The following LRMDA variants were observed in gnomAD, a reference collection of about 807,000 sequenced individuals.
The protein encoded by LRMDA is leucine rich melanocyte differentiation associated.
Under a neutral mutation model 29.8 loss-of-function variants are expected in LRMDA, and 18 were observed. That is an observed-to-expected ratio of 0.60 (90% CI 0.42 to 0.90). The LOEUF (loss-of-function observed/expected upper bound fraction) is 0.90, where lower values mean the gene tolerates loss of function less well. Among genes scored for constraint, LRMDA ranks in the 40% least tolerant of loss-of-function variants. The pLI is 0.00. For synonymous variants in LRMDA, 125 were observed against 109.4 expected, an observed-to-expected ratio of 1.14 and a Z score of -0.89; for missense variants, 273 against 273.9, an observed-to-expected ratio of 1.00 and a Z score of 0.02.
At chr10:76,167,417 A>C (rs1359132056) in intron 5 of LRMDA, among the ~76,000 whole-genome samples, 10 of 151,580 alleles carry the variant, frequency 6.6e-5, no homozygotes, top group Admixed American at 5.9e-4. Context: ...GCCTATCTTG[A>C]GTTAATTTTT....
chr10:75,671,440 A>G (rs1474414112), intron 2 of LRMDA, among the ~76,000 whole-genome samples: 1 of 152,118 alleles, frequency 6.6e-6, no homozygotes, highest in Non-Finnish European at 1.5e-5. Context: ...TCTTTAAGAA[A>G]CACACCTATG....
chr10:75,955,100 C>G (rs1006077126), intron 2 of LRMDA, among the ~76,000 whole-genome samples: 1 of 152,084 alleles, frequency 6.6e-6, no homozygotes, highest in Non-Finnish European at 1.5e-5. Context: ...ACATTAGATT[C>G]ATATAATTTT....
At chr10:76,393,173 C>A (rs899780309) in intron 6 of LRMDA, among the ~76,000 whole-genome samples, 1 of 152,056 alleles carries the variant, frequency 6.6e-6, no homozygotes, top group African/African-American at 2.4e-5. Flanking sequence ...ATACTGATTT[C>A]ATTTCTTTTG....
intron 6 of LRMDA, among the ~76,000 whole-genome samples, chr10:76,387,682 A>G (rs561509520): frequency 3.6e-4 from 55 of 152,074 alleles, no homozygotes; most frequent in African/African-American, 1.1e-3. Context: ...CTTAAATTTA[A>G]ATTTTTTAAG....
intron 2 of LRMDA, among the ~76,000 whole-genome samples, chr10:75,608,287 A>G: frequency 6.6e-6 from 1 of 151,964 alleles, no homozygotes; most frequent in East Asian, 1.9e-4. Flanking sequence ...ATAGTCAACC[A>G]CATAGAAGCA....
At chr10:76,302,657 G>A (rs1016486273) in intron 5 of LRMDA, among the ~76,000 whole-genome samples, 5 of 152,018 alleles carry the variant, frequency 3.3e-5, no homozygotes, top group Non-Finnish European at 5.9e-5. Flanking sequence ...TCTTATTATG[G>A]CAACCTAAGG....
At chr10:75,506,936 C>T (rs1845174689) in intron 2 of LRMDA, among the ~76,000 whole-genome samples, 1 of 152,160 alleles carries the variant, frequency 6.6e-6, no homozygotes, top group South Asian at 2.1e-4. Context: ...TGGATGCTGG[C>T]TGCCTTTCCC....
chr10:75,707,185 C>T (rs1045730160), intron 2 of LRMDA, among the ~76,000 whole-genome samples: 28 of 152,146 alleles, frequency 1.8e-4, no homozygotes, highest in Non-Finnish European at 8.8e-5. Context: ...ACCGCTTTGG[C>T]CCTATCAGAT....
chr10:76,182,035 G>T (rs1343545344), intron 5 of LRMDA, among the ~76,000 whole-genome samples: 1 of 152,158 alleles, frequency 6.6e-6, no homozygotes, highest in East Asian at 1.9e-4. Context: ...AAAAGATCTA[G>T]CAATACCTAC....
chr10:75,504,578 A>AG (rs1372396254), intron 2 of LRMDA, among the ~76,000 whole-genome samples: 1 of 152,160 alleles, frequency 6.6e-6, no homozygotes, highest in East Asian at 1.9e-4. Flanking sequence ...CTGTAGTAAT[A>AG]GGGGGGAGTC....
intron 6 of LRMDA, among the ~76,000 whole-genome samples, chr10:76,439,196 A>G (rs1004993045): frequency 4.6e-5 from 7 of 152,172 alleles, no homozygotes; most frequent in African/African-American, 1.4e-4. Flanking sequence ...CTGTGACACA[A>G]AAGCACAGAG....
intron 2 of LRMDA, among the ~76,000 whole-genome samples, chr10:75,529,260 G>T (rs188702977): frequency 1.3e-5 from 2 of 152,270 alleles, no homozygotes; most frequent in East Asian, 3.9e-4. Context: ...ATTCAGAAGG[G>T]CCTCAGACTT....
intron 2 of LRMDA, among the ~76,000 whole-genome samples, chr10:75,722,227 A>G (rs1160235017): frequency 6.6e-6 from 1 of 152,102 alleles, no homozygotes; most frequent in Non-Finnish European, 1.5e-5. Flanking sequence ...CGTTATTGCT[A>G]CAAGACCATA....
intron 2 of LRMDA, among the ~76,000 whole-genome samples, chr10:75,474,942 G>A (rs988664884): frequency 6.6e-6 from 1 of 152,192 alleles, no homozygotes; most frequent in Non-Finnish European, 1.5e-5. Context: ...TGCAGGGCCG[G>A]TGTTGCTGTA....
chr10:75,856,934 C>T (rs1844837964), intron 2 of LRMDA, among the ~76,000 whole-genome samples: 1 of 152,174 alleles, frequency 6.6e-6, no homozygotes, highest in Non-Finnish European at 1.5e-5. Flanking sequence ...TAGAAAACCC[C>T]ATTGTCTCAG....
chr10:76,145,010 T>A (rs573151104), intron 5 of LRMDA, among the ~76,000 whole-genome samples: 9 of 152,250 alleles, frequency 5.9e-5, no homozygotes, highest in Non-Finnish European at 8.8e-5. Flanking sequence ...GATTTGCATA[T>A]GTTGAACCAG....
At chr10:75,688,219 G>A (rs1227226112) in intron 2 of LRMDA, among the ~76,000 whole-genome samples, 1 of 152,152 alleles carries the variant, frequency 6.6e-6, no homozygotes, top group Non-Finnish European at 1.5e-5. Flanking sequence ...TTCTCTGATG[G>A]ATCTGTCAAA....
intron 2 of LRMDA, among the ~76,000 whole-genome samples, chr10:75,927,643 T>G (rs1846141770): frequency 6.6e-6 from 1 of 152,238 alleles, no homozygotes; most frequent in Admixed American, 6.5e-5. Flanking sequence ...AAAATGAGAC[T>G]GTAATCAAGT....
chr10:75,440,508 T>C (rs971148140), intron 2 of LRMDA, among the ~76,000 whole-genome samples: 17 of 152,014 alleles, frequency 1.1e-4, no homozygotes, highest in African/African-American at 4.1e-4. Flanking sequence ...CTGGAGTCAG[T>C]TGCAGACCAG....
Sources: gnomAD v4.1 joint callset for allele counts (sites outside exome capture counted in the v4.1 genomes callset) on GRCh38, gnomAD v4.1.1 for gene constraint, MANE v1.5 for transcripts, NCBI Gene and HGNC (gene_info 2026-07-23, HGNC 2026-07-21) for gene names.